Variants in SLC9A2 observed in about 807,000 individuals in gnomAD.
SLC9A2 encodes solute carrier family 9 member A2.
SLC9A2 carries 42 observed loss-of-function variants against 71.7 expected under a neutral mutation model. That is an observed-to-expected ratio of 0.59 (90% CI 0.46 to 0.76). The LOEUF (loss-of-function observed/expected upper bound fraction) is 0.76, where lower values mean the gene tolerates loss of function less well. Ranked by LOEUF, SLC9A2 falls within the 30% of genes least tolerant of loss-of-function variation. SLC9A2 has a pLI of 0.00. For synonymous variants in SLC9A2, 396 were observed against 392.5 expected (o/e 1.01, Z -0.10); for missense variants, 829 against 1,017.4 (o/e 0.81, Z 2.52).
At chr2:102,660,675 A>T (rs561350041) in intron 2 of SLC9A2, among the ~76,000 whole-genome samples, 1 of 152,308 alleles carries the variant, frequency 6.6e-6, no homozygotes, top group South Asian at 2.1e-4. Flanking sequence ...GAACTCATGG[A>T]CTTTGGAAAG....
chr2:102,692,411 G>A (rs1677681478), intron 5 of SLC9A2, among the ~76,000 whole-genome samples: 1 of 152,182 alleles, frequency 6.6e-6, no homozygotes, highest in Admixed American at 6.5e-5. Flanking sequence ...GGAAAGATGA[G>A]ATGAAAGTCA....
At chr2:102,643,185 G>A (rs986870947) in intron 1 of SLC9A2, among the ~76,000 whole-genome samples, 15 of 152,264 alleles carry the variant, frequency 9.9e-5, no homozygotes, top group Middle Eastern at 3.4e-3. Flanking sequence ...TGTTCTCTGC[G>A]TTCTTTACGT....
chr2:102,650,827 T>C (rs1304397947), intron 1 of SLC9A2, among the ~76,000 whole-genome samples: 2 of 152,216 alleles, frequency 1.3e-5, no homozygotes, highest in African/African-American at 2.4e-5. Context: ...CATCATACTC[T>C]GAGAAGTGAT....
intron 1 of SLC9A2, among the ~76,000 whole-genome samples, chr2:102,652,238 G>A (rs1234226760): frequency 2.6e-5 from 4 of 152,120 alleles, no homozygotes; most frequent in African/African-American, 7.2e-5. Flanking sequence ...TTTCTTGGGA[G>A]GGACTTCTCC....
chr2:102,646,513 G>T (rs935161961), intron 1 of SLC9A2, among the ~76,000 whole-genome samples: 2 of 152,026 alleles, frequency 1.3e-5, no homozygotes, highest in African/African-American at 4.8e-5. Flanking sequence ...CTGGAAAATT[G>T]GATAAAGAGC....
At chr2:102,688,004 T>C (rs1428678372) in intron 5 of SLC9A2, among the ~76,000 whole-genome samples, 1 of 152,074 alleles carries the variant, frequency 6.6e-6, no homozygotes, top group East Asian at 1.9e-4. Flanking sequence ...GGTCTTGAAT[T>C]CCTGGCCTCA....
At chr2:102,682,167 T>C (rs1229111898) in intron 3 of SLC9A2, among the ~76,000 whole-genome samples, 1 of 152,166 alleles carries the variant, frequency 6.6e-6, no homozygotes, top group Non-Finnish European at 1.5e-5. Flanking sequence ...CCTGTTTCAT[T>C]CTACAGGACC....
At chr2:102,682,992 C>A (rs6738363) in intron 3 of SLC9A2, among the ~76,000 whole-genome samples, 10 of 152,194 alleles carry the variant, frequency 6.6e-5, no homozygotes, top group African/African-American at 2.4e-4. Context: ...GTCCATAGAC[C>A]TTTAAGTGTG....
chr2:102,647,896 C>T (rs780880142), intron 1 of SLC9A2, among the ~76,000 whole-genome samples: 109 of 152,218 alleles, frequency 7.2e-4, no homozygotes, highest in African/African-American at 2.6e-3. Context: ...GATTCACAGC[C>T]AAACTCTATC....
chr2:102,654,123 G>T (rs1676888074), intron 1 of SLC9A2, among the ~76,000 whole-genome samples: 2 of 151,784 alleles, frequency 1.3e-5, no homozygotes, highest in African/African-American at 4.8e-5. Flanking sequence ...CCCCCAGATT[G>T]CTACCGCGTT....
At chr2:102,632,318 A>T (rs1402555021) in intron 1 of SLC9A2, among the ~76,000 whole-genome samples, 2 of 147,662 alleles carry the variant, frequency 1.4e-5, no homozygotes, top group African/African-American at 5.1e-5. Context: ...GGAGTACATC[A>T]TTTATAACAA....
At chr2:102,630,993 A>G (rs150905800) in intron 1 of SLC9A2, among the ~76,000 whole-genome samples, 2 of 152,180 alleles carry the variant, frequency 1.3e-5, no homozygotes, top group East Asian at 3.9e-4. Flanking sequence ...TATGAGCTTA[A>G]CTTCAGCAGG....
chr2:102,692,054 C>T lies in SLC9A2; in HGVS notation c.1426-2360C>T, dbSNP rs1439982280. ...TATTAAACTACTGGCTTCATGGAAT[C>T]TGGAACTTAGTGAATTCTCCCATCT... On this transcript the variant is annotated intron_variant, in intron 5 of 11. Coordinates refer to ENST00000233969, the MANE Select transcript of SLC9A2 (RefSeq NM_003048.6). Among the ~76,000 whole-genome samples the T allele has an allele frequency of 2.6e-5, 4 of 152,358 alleles. No homozygotes were observed. In the East Asian group the frequency reaches 5.8e-4, roughly 22 times the overall value.
rs376604164 is a variant in SLC9A2, at chr2:102,657,983, A to G, written c.709A>G (p.Ile237Val). ...CATTCACGTCAATGAGCAGCTCTAC[A>G]TCCTGGTCTTTGGAGAGTCCCTGCT... ...ENIHVNEQLY[I>V]LVFGESLLND... Residue 237 changes from isoleucine to valine, a missense_variant, in exon 2 of 12, where the codon ATC (isoleucine) becomes GTC (valine). Ile to Val is a conservative substitution (Grantham distance 29). This residue lies in a region of SLC9A2 where 500 missense variants were observed against 726.3 expected (regional missense o/e 0.69). Coordinates refer to ENST00000233969, the MANE Select transcript of SLC9A2 (RefSeq NM_003048.6). 5.2e-5 allele frequency: 84 copies of G among 1,613,542 alleles called. No individual in the cohort carries two copies. Among genetic ancestry groups the G allele is most frequent in the Non-Finnish European group, 5.0e-5 (59 of 1,179,800 alleles).
At chr2:102,680,834 G>T (rs560840150) in intron 3 of SLC9A2, among the ~76,000 whole-genome samples, 1 of 151,808 alleles carries the variant, frequency 6.6e-6, no homozygotes, top group African/African-American at 2.4e-5. Flanking sequence ...CCTTATGAGA[G>T]GGCGTAGGAG....
Position 102,706,325 on chromosome 2 carries a change from CAAAAAAAAAAAAAAAAAAAAAAG to C in SLC9A2, c.2068+403_2068+425del, listed in dbSNP as rs1437379000. 1.5e-3 allele frequency among the ~76,000 whole-genome samples: 4 copies of C among 2,628 alleles called. 1 individual carries two copies. Among genetic ancestry groups the C allele is most frequent in the African/African-American group, 5.8e-3 (4 of 684 alleles). The allele number at this position is 2,628 out of a possible 152,430, so 1.7% of individuals were successfully genotyped here. A position where few individuals can be genotyped will look rare whatever the true frequency, so the allele number is the denominator to read the frequency against. On this transcript the variant is annotated intron_variant, in intron 11 of 11. Transcript: ENST00000233969. ...TGGGCAACAGAGCGAGACTCCGTCT[CAAAAAAAAAAAAAAAAAAAAAAG>C]AAAAAAAAAAAAAGAATGAGTTCCA...
intron 1 of SLC9A2, among the ~76,000 whole-genome samples, chr2:102,641,842 G>C (rs1041383607): frequency 2.4e-5 from 3 of 127,068 alleles, no homozygotes; most frequent in Non-Finnish European, 4.7e-5. Context: ...GATGGGAATT[G>C]AACAATGAGA....
intron 1 of SLC9A2, among the ~76,000 whole-genome samples, chr2:102,656,080 A>G (rs541623846): frequency 9.8e-5 from 15 of 152,342 alleles, no homozygotes; most frequent in African/African-American, 3.6e-4. Flanking sequence ...GCATTCTCAT[A>G]TTCTGCTTTA....
At chr2:102,693,099 T>C (rs1193033361) in intron 5 of SLC9A2, among the ~76,000 whole-genome samples, 3 of 151,956 alleles carry the variant, frequency 2.0e-5, no homozygotes, top group African/African-American at 7.2e-5. Flanking sequence ...TATATGTTTT[T>C]TTCATTGCTA....
Sources: allele counts gnomAD v4.1 joint callset (sites outside exome capture counted in the v4.1 genomes callset), GRCh38; gene constraint gnomAD v4.1.1; regional missense constraint gnomAD v4.1.1; transcripts MANE v1.5; gene names NCBI Gene and HGNC (gene_info 2026-07-23, HGNC 2026-07-21).